Variants in CHSY1 observed in about 807,000 individuals in gnomAD.
CHSY1 encodes the protein chondroitin sulfate synthase 1, also known as N-acetylgalactosaminyl-proteoglycan 3-beta-glucuronosyltransferase 1.
A neutral mutation model predicts 59.8 loss-of-function variants in CHSY1; 13 were observed. The ratio of observed to expected loss-of-function variants is 0.22; its 90% confidence interval spans 0.14 to 0.35. The LOEUF (loss-of-function observed/expected upper bound fraction) is 0.35. Among genes scored for constraint, CHSY1 ranks in the 10% least tolerant of loss-of-function variants. CHSY1 has a pLI of 1.00. For missense variants in CHSY1, 947 were observed against 1,030.6 expected, an observed-to-expected ratio of 0.92 and a Z score of 1.11; for synonymous variants, 459 against 401.2, an observed-to-expected ratio of 1.14 and a Z score of -1.72.
chr15:101,249,142 C>T (rs1168875896), intron 1 of CHSY1, among the ~76,000 whole-genome samples: 1 of 151,698 alleles, frequency 6.6e-6, no homozygotes, highest in Non-Finnish European at 1.5e-5. Context: ...CATTAGGCCC[C>T]CCACTGATTT....
intron 2 of CHSY1, 47 bp from the exon 3 acceptor site, chr15:101,179,027 G>A (rs1454399351): frequency 1.3e-6 from 2 of 1,568,926 alleles, no homozygotes; most frequent in Non-Finnish European, 1.8e-6. Flanking sequence ...TTGTATGATT[G>A]AGTGCCAGCA....
At chr15:101,189,122 A>G (rs2038410251) in intron 2 of CHSY1, among the ~76,000 whole-genome samples, 1 of 152,260 alleles carries the variant, frequency 6.6e-6, no homozygotes, top group Admixed American at 6.5e-5. Context: ...AGAAGAAACA[A>G]GCGCGAACAC....
intron 2 of CHSY1, among the ~76,000 whole-genome samples, chr15:101,232,530 A>G (rs1164993562): frequency 1.3e-5 from 2 of 152,272 alleles, no homozygotes; most frequent in African/African-American, 4.8e-5. Context: ...CACTTCAAAC[A>G]TGTAAGAAAA....
In CHSY1 at chr15:101,191,906, C is replaced by CA. The variant is rs570137831; in HGVS notation, c.817-12927dup. 4.6e-3 allele frequency among the ~76,000 whole-genome samples: 633 copies of CA among 137,508 alleles called. 6 individuals carry two copies. Among genetic ancestry groups the CA allele is most frequent in the African/African-American group, 0.012 (463 of 37,392 alleles). The allele number at this position is 137,508 out of a possible 152,430, so 90.2% of individuals were successfully genotyped here. ...CCATCTATCTACTCACTGCTCTAAGCAAAAAAAAAAAATTTACAGAAATAT... is the reference window on the plus strand; with the variant it reads ...CCATCTATCTACTCACTGCTCTAAGCAAAAAAAAAAAAATTTACAGAAATAT... On this transcript the variant is annotated intron_variant, in intron 2 of 2. Coordinates refer to ENST00000254190, the MANE Select transcript of CHSY1 (RefSeq NM_014918.5).
intron 2 of CHSY1, among the ~76,000 whole-genome samples, chr15:101,182,421 A>ACAT (rs749587032): frequency 7.2e-5 from 11 of 152,350 alleles, no homozygotes; most frequent in Admixed American, 1.3e-4. Context: ...GCAGCTATGA[A>ACAT]GTCACTACAG....
intron 1 of CHSY1, among the ~76,000 whole-genome samples, chr15:101,249,153 G>C (rs1178366541): frequency 6.6e-6 from 1 of 151,824 alleles, no homozygotes; most frequent in Non-Finnish European, 1.5e-5. Flanking sequence ...CCACTGATTT[G>C]AATATATTGA....
chr15:101,192,776 A>G (rs2038460934), intron 2 of CHSY1, among the ~76,000 whole-genome samples: 1 of 152,158 alleles, frequency 6.6e-6, no homozygotes, highest in South Asian at 2.1e-4. Flanking sequence ...GTCATAGCTG[A>G]AAGTAATCAT....
chr15:101,221,370 G>A (rs182828244), intron 2 of CHSY1, among the ~76,000 whole-genome samples: 69 of 152,266 alleles, frequency 4.5e-4, no homozygotes, highest in Non-Finnish European at 1.3e-4. Context: ...GGGTGTACCT[G>A]TAATTCCAGC....
In CHSY1 at chr15:101,178,007, G is replaced by C. The variant is rs1009333685; in HGVS notation, c.1790C>G (p.Ala597Gly). The C allele has an allele frequency of 4.3e-6, 7 of 1,614,050 alleles. No individual in the cohort carries two copies. Among genetic ancestry groups the C allele is most frequent in the Non-Finnish European group, 5.9e-6 (7 of 1,180,034 alleles). The change falls in exon 3 of 3, where the codon GCC becomes GGC. Residue 597 changes from alanine (A) to glycine (G), a missense_variant. Physicochemically the swap from Ala to Gly is moderately conservative, Grantham distance 60. Coordinates refer to ENST00000254190, the MANE Select transcript of CHSY1 (RefSeq NM_014918.5). ...MRDYRIKYPK[A>G]DMQILPVSGE... ...AGACACAGGCAAAATCTGCATGTCG[G>C]CTTTAGGGTACTTAATGCGGTAATC...
chr15:101,206,173 C>T (rs2038624864), intron 2 of CHSY1, among the ~76,000 whole-genome samples: 1 of 152,096 alleles, frequency 6.6e-6, no homozygotes, highest in Non-Finnish European at 1.5e-5. Flanking sequence ...TTTCTCTCCC[C>T]GGGTGAGCCT....
intron 1 of CHSY1, among the ~76,000 whole-genome samples, chr15:101,246,370 TA>T (rs61497882): frequency 0.67 from 97,297 of 146,264 alleles, 34,738 homozygotes; most frequent in East Asian, 0.84. Flanking sequence ...TTTTTTTTTT[TA>T]ATCAAAACGT....
At chr15:101,246,096 T>C (rs1391575792) in intron 1 of CHSY1, among the ~76,000 whole-genome samples, 1 of 152,206 alleles carries the variant, frequency 6.6e-6, no homozygotes, top group Non-Finnish European at 1.5e-5. Flanking sequence ...GAAATCAGAT[T>C]CCTATATCTC....
At chr15:101,239,821 G>T (rs767600495) in intron 1 of CHSY1, among the ~76,000 whole-genome samples, 4 of 151,670 alleles carry the variant, frequency 2.6e-5, no homozygotes, top group Non-Finnish European at 4.4e-5. Context: ...TTTCGCGGTA[G>T]AGCACGAGAA....
Position 101,214,195 on chromosome 15 carries a change from G to A in CHSY1, c.816+20887C>T, listed in dbSNP as rs181925686. On this transcript the variant is annotated intron_variant, in intron 2 of 2. Transcript: ENST00000254190. ...TGCTGTCTGTGTGTGCAGAACTTAC[G>A]GCCCCTATTTGACAAACCCAGCCGC... Among the ~76,000 whole-genome samples the A allele has an allele frequency of 3.9e-5, 6 of 152,226 alleles. No individual in the cohort carries two copies. In the East Asian group the frequency reaches 7.7e-4, roughly 20 times the overall value.
At chr15:101,238,075 G>T (rs1280701479) in intron 1 of CHSY1, among the ~76,000 whole-genome samples, 1 of 152,116 alleles carries the variant, frequency 6.6e-6, no homozygotes, top group Non-Finnish European at 1.5e-5. Context: ...GGACAAAGGT[G>T]ACTTTCACTT....
chr15:101,189,341 G>T, intron 2 of CHSY1: 1 of 652,226 alleles, frequency 1.5e-6, no homozygotes, highest in Non-Finnish European at 1.9e-6. Context: ...GACCCAACAT[G>T]TCTCTACGAG....
chr15:101,251,519 C>T lies in CHSY1; in HGVS notation c.-63G>A. ...CTCCGCGCGCCCTCAGCCCGCTGCC[C>T]CCGCCCGCGGAGGCCAGCCCGCCCT... On this transcript the variant is annotated 5_prime_UTR_variant, in exon 1 of 3. Coordinates refer to ENST00000254190, the MANE Select transcript of CHSY1 (RefSeq NM_014918.5). 3.7e-6 allele frequency: 1 copy of T among 273,204 alleles called. No homozygotes were observed. The highest frequency in any genetic ancestry group is 5.0e-6 in the Non-Finnish European group (1 of 198,622). 16.9% of individuals were successfully genotyped at this position (273,204 alleles called of 1,614,324 possible).
intron 2 of CHSY1, among the ~76,000 whole-genome samples, chr15:101,219,676 A>G (rs968523314): frequency 6.6e-6 from 1 of 152,168 alleles, no homozygotes; most frequent in African/African-American, 2.4e-5. Context: ...GATTTTTTTC[A>G]AGTACTGTCT....
chr15:101,183,408 A>AT (rs1459136679), intron 2 of CHSY1, among the ~76,000 whole-genome samples: 1 of 152,234 alleles, frequency 6.6e-6, no homozygotes, highest in African/African-American at 2.4e-5. Flanking sequence ...CCGGACACAG[A>AT]TAACACCACT....
Sources: allele counts gnomAD v4.1 joint callset (sites outside exome capture counted in the v4.1 genomes callset), GRCh38; gene constraint gnomAD v4.1.1; transcripts MANE v1.5; gene names NCBI Gene and HGNC (gene_info 2026-07-23, HGNC 2026-07-21).